The following RAB30 variants were observed in gnomAD, a reference collection of about 807,000 sequenced individuals.
The protein encoded by RAB30 is RAB30, member RAS oncogene family, also known as ras-related protein Rab-30.
In RAB30, 9 loss-of-function variants were observed where a neutral mutation model predicts 25.1. The ratio of observed to expected loss-of-function variants is 0.36; its 90% CI spans 0.22 to 0.63. RAB30 has a LOEUF of 0.63. Ranked by LOEUF, RAB30 falls within the 20% of genes least tolerant of loss-of-function variation. The pLI, the probability that RAB30 is intolerant of heterozygous loss-of-function variation, is 0.69. For missense variants in RAB30, 140 were observed against 243.5 expected (o/e 0.58, Z 2.83); for synonymous variants, 77 against 86.4 (o/e 0.89, Z 0.60).
intron 1 of RAB30, among the ~76,000 whole-genome samples, chr11:83,065,205 T>C (rs950184415): frequency 3.3e-5 from 5 of 151,688 alleles, no homozygotes; most frequent in Non-Finnish European, 7.4e-5. Context: ...CTGGGCAACA[T>C]AGTGACAGTT....
At chr11:83,034,202 G>C (rs1351514962) in intron 1 of RAB30, 2 of 152,268 alleles carry the variant, frequency 1.3e-5, no homozygotes, top group African/African-American at 4.8e-5. Context: ...CAGGGGCACT[G>C]TGATTTGATG....
At chr11:83,023,101 A>G (rs990954350) in intron 1 of RAB30, among the ~76,000 whole-genome samples, 1 of 152,134 alleles carries the variant, frequency 6.6e-6, no homozygotes, top group Non-Finnish European at 1.5e-5. Context: ...AATTCTCAGT[A>G]TGATTAAAAT....
intron 1 of RAB30, among the ~76,000 whole-genome samples, chr11:83,070,079 G>A (rs1308519716): frequency 7.5e-6 from 1 of 134,060 alleles, no homozygotes; most frequent in African/African-American, 2.7e-5. Context: ...AATGTAAACT[G>A]CAAATGGAGA....
chr11:82,988,571 C>T (rs1856785862), intron 3 of RAB30, among the ~76,000 whole-genome samples: 1 of 151,804 alleles, frequency 6.6e-6, no homozygotes. Context: ...AACACACAAC[C>T]TGCTGAAGGT....
intron 1 of RAB30, among the ~76,000 whole-genome samples, chr11:83,048,414 G>C (rs1055877511): frequency 1.3e-5 from 2 of 151,260 alleles, no homozygotes; most frequent in Non-Finnish European, 2.9e-5. Flanking sequence ...CAAGGCTGCA[G>C]TGAGCCGTGA....
intron 1 of RAB30, among the ~76,000 whole-genome samples, chr11:83,029,707 C>A (rs1857808516): frequency 6.6e-6 from 1 of 152,010 alleles, no homozygotes; most frequent in Admixed American, 6.6e-5. Context: ...TCCTTGATAT[C>A]ATCTCAAAAA....
intron 1 of RAB30, among the ~76,000 whole-genome samples, chr11:83,015,807 T>G (rs1222096813): frequency 6.6e-6 from 1 of 152,098 alleles, no homozygotes; most frequent in Non-Finnish European, 1.5e-5. Context: ...TGGTGATCAG[T>G]CTTGTCAAAT....
intron 1 of RAB30, among the ~76,000 whole-genome samples, chr11:83,049,253 A>G (rs781619933): frequency 6.6e-6 from 1 of 151,974 alleles, no homozygotes; most frequent in Admixed American, 6.6e-5. Context: ...TCTACTAAAA[A>G]TACAAAAATT....
intron 1 of RAB30, among the ~76,000 whole-genome samples, chr11:83,005,365 C>T (rs115328442): frequency 0.035 from 5,365 of 152,226 alleles, 333 homozygotes; most frequent in African/African-American, 0.12. Flanking sequence ...GTGCTAGGAA[C>T]GGTGCTAAAT....
At chr11:83,044,741 G>A (rs1858200447) in intron 1 of RAB30, among the ~76,000 whole-genome samples, 1 of 152,088 alleles carries the variant, frequency 6.6e-6, no homozygotes, top group South Asian at 2.1e-4. Context: ...GGCATCATTG[G>A]GCTCAAAGCC....
At chr11:83,030,895 G>T (rs1383312346) in intron 1 of RAB30, among the ~76,000 whole-genome samples, 1 of 152,146 alleles carries the variant, frequency 6.6e-6, no homozygotes, top group Non-Finnish European at 1.5e-5. Context: ...CTTAGAATGT[G>T]ACTGTTCATG....
intron 1 of RAB30, among the ~76,000 whole-genome samples, chr11:83,005,825 T>C (rs1020919051): frequency 2.0e-5 from 3 of 152,062 alleles, no homozygotes; most frequent in East Asian, 1.9e-4. Context: ...TAAGGTCTAA[T>C]TGATTACATG....
At chr11:82,987,904 C>CAAAAAAAAAAAAA (rs1856769329) in intron 3 of RAB30, 134 bp from the exon 4 acceptor site, 1 of 81,800 alleles carries the variant, frequency 1.2e-5, no homozygotes, top group Non-Finnish European at 2.1e-5. Flanking sequence ...ATTTTCTGCC[C>CAAAAAAAAAAAAA]TAAAAAAAAA....
chr11:83,060,209 A>AC (rs1236423360), intron 1 of RAB30: 1 of 144,398 alleles, frequency 6.9e-6, no homozygotes, highest in Admixed American at 7.0e-5. Context: ...TCTGTCTCAT[A>AC]AAAAAAAAAA....
intron 1 of RAB30, among the ~76,000 whole-genome samples, chr11:83,018,344 CCAA>C (rs1857488923): frequency 1.3e-5 from 2 of 151,150 alleles, no homozygotes; most frequent in Admixed American, 6.6e-5. Flanking sequence ...CACATCTGCA[CCAA>C]CATTTACTAT....
intron 1 of RAB30, among the ~76,000 whole-genome samples, chr11:83,066,926 A>G (rs11823280): frequency 1.1e-3 from 160 of 152,300 alleles, no homozygotes; most frequent in African/African-American, 3.5e-3. Flanking sequence ...GTCCTCTTCC[A>G]ATGTGTTGAT....
intron 1 of RAB30, among the ~76,000 whole-genome samples, chr11:83,049,140 G>A (rs968474797): frequency 6.6e-6 from 1 of 152,152 alleles, no homozygotes; most frequent in East Asian, 1.9e-4. Context: ...TGCTGGGTGT[G>A]GTGGCTCACA....
intron 1 of RAB30, among the ~76,000 whole-genome samples, chr11:83,019,089 T>C (rs11233421): frequency 0.035 from 5,350 of 152,302 alleles, 325 homozygotes; most frequent in African/African-American, 0.12. Flanking sequence ...TGCAGTGGCA[T>C]GATCTCGGCT....
chr11:82,982,304 T>C lies in RAB30; in HGVS notation c.473A>G (p.Asn158Ser), dbSNP rs1455065187. 3 of 1,614,230 alleles carry C rather than the reference T, an allele frequency of 1.9e-6. No individual in the cohort carries two copies. The highest frequency in any genetic ancestry group is 2.5e-6 in the Non-Finnish European group (3 of 1,180,030). The change falls in exon 5 of 5, where the codon AAT becomes AGT. Residue 158 changes from asparagine to serine, a missense_variant. Asn to Ser is a conservative substitution (Grantham distance 46, BLOSUM62 1). Transcript: ENST00000527633. ...TAAGTCAAGGAAGAGTTTCTCCACA[T>C]TATCAGATTCCTTGGCTGAGGTCTC... ...YLETSAKESD[N>S]VEKLFLDLAC... is the part of the protein sequence containing the mutation.
Sources: allele counts gnomAD v4.1 joint callset (sites outside exome capture counted in the v4.1 genomes callset), GRCh38; gene constraint gnomAD v4.1.1; transcripts MANE v1.5; gene names NCBI Gene and HGNC (gene_info 2026-07-23, HGNC 2026-07-21).